Variants in KMT2A observed in about 807,000 individuals in gnomAD.
KMT2A encodes lysine methyltransferase 2A.
A neutral mutation model predicts 345.3 loss-of-function variants in KMT2A; 16 were observed. That is an observed-to-expected ratio of 0.05 (90% CI 0.03 to 0.07). The LOEUF is 0.07. Ranked by LOEUF, KMT2A falls within the 10% of genes least tolerant of loss-of-function variation. KMT2A has a pLI of 1.00. For missense variants in KMT2A, 3,272 were observed against 4,841.6 expected (o/e 0.68, Z 9.62); for synonymous variants, 1,599 against 1,778.6 (o/e 0.90, Z 2.54).
rs1950449575 is a variant in KMT2A at position 118,498,657 on chromosome 11, CT to C, written c.5961+130del. 2 of 860,756 alleles carry C rather than the reference CT, an allele frequency of 2.3e-6. No homozygotes were observed. The highest frequency in any genetic ancestry group is 1.9e-5 in the South Asian group (1 of 53,204). The allele number at this position is 860,756 out of a possible 1,614,324, so 53.3% of individuals were successfully genotyped here. On this transcript the variant is annotated intron_variant, in intron 22 of 35. Transcript: ENST00000534358. The surrounding 1 kb of genome is among the most constrained non-coding windows in gnomAD (Gnocchi z 4.4). Reference sequence around the variant, plus strand: ...CCCCCTGCACCCACATATGCACAGCCTCCCCCATGATCAGCATCCCCCACCA... The same window carrying C: ...CCCCCTGCACCCACATATGCACAGCCCCCCCATGATCAGCATCCCCCACCA...
chr11:118,436,724 G>A lies in KMT2A; in HGVS notation c.212G>A (p.Gly71Glu). The part of the protein sequence containing the change: ...AAAAAAAGSS[G>E]AGVPGGAAAA... ...GCGGCGGCGGCGGCGGGAAGCAGCG[G>A]GGCTGGGGTTCCAGGGGGAGCGGCC... Residue 71 changes from glycine to glutamate, a missense_variant, in exon 1 of 36, where the codon GGG (glycine) becomes GAG (glutamate). Coordinates refer to ENST00000534358, the MANE Select transcript of KMT2A (RefSeq NM_001197104.2). The surrounding 1 kb of genome is among the most constrained non-coding windows in gnomAD (Gnocchi z 6.9). The A allele has an allele frequency of 2.6e-6, 4 of 1,520,502 alleles. No individual in the cohort carries two copies. Among genetic ancestry groups the A allele is most frequent in the Non-Finnish European group, 3.5e-6 (4 of 1,131,106 alleles). The allele number at this position is 1,520,502 out of a possible 1,614,324, so 94.2% of individuals were successfully genotyped here.
chr11:118,499,797 C>T (rs567219056), intron 23 of KMT2A, 38 bp from the exon 24 acceptor site: 15 of 1,446,678 alleles, frequency 1.0e-5, no homozygotes, highest in African/African-American at 1.4e-5. Flanking sequence ...AAATGACGCT[C>T]ATAATCTTCT....
Position 118,457,193 on chromosome 11 carries a change from C to T in KMT2A, c.433-11582C>T, listed in dbSNP as rs965549438. On this transcript the variant is annotated intron_variant, in intron 1 of 35. Transcript: ENST00000534358. ...TATAGCCTTCAGGATGAGGTCTACA[C>T]GTCCTCAAAGATAAACTTCAAACTC... 4.0e-5 allele frequency among the ~76,000 whole-genome samples: 6 copies of T among 151,266 alleles called. No homozygotes were observed. In the South Asian group the frequency reaches 1.0e-3, roughly 26 times the overall value.
chr11:118,508,497 G>C (rs1479562451), intron 28 of KMT2A, among the ~76,000 whole-genome samples: 1 of 152,170 alleles, frequency 6.6e-6, no homozygotes, highest in Non-Finnish European at 1.5e-5. Context: ...AACACTTTGG[G>C]AGGCTGAGGC....
At chr11:118,450,713 T>A (rs1392662245) in intron 1 of KMT2A, 2 of 152,238 alleles carry the variant, frequency 1.3e-5, no homozygotes, top group African/African-American at 2.4e-5. Context: ...CTATCTGTTA[T>A]GCATTCAAAT....
Position 118,521,190 on chromosome 11 carries a change from C to T in KMT2A, c.11514-98C>T. The T allele has an allele frequency of 7.4e-7, 1 of 1,354,230 alleles. No individual in the cohort carries two copies. Among genetic ancestry groups the T allele is most frequent in the Non-Finnish European group, 1.0e-6 (1 of 972,644 alleles). The allele number at this position is 1,354,230 out of a possible 1,614,324, so 83.9% of individuals were successfully genotyped here. ...TTATTTTCTCAAGTATATGTCCCTC[C>T]TGGGGAACTAACAGACCAGGAGAAC... On this transcript the variant is annotated intron_variant, in intron 34 of 35. Coordinates refer to ENST00000534358, the MANE Select transcript of KMT2A (RefSeq NM_001197104.2). The surrounding 1 kb of genome is among the most constrained non-coding windows in gnomAD (Gnocchi z 5.3).
At chr11:118,437,717 A>G (rs554229477) in intron 1 of KMT2A, among the ~76,000 whole-genome samples, 3 of 146,176 alleles carry the variant, frequency 2.1e-5, no homozygotes, top group South Asian at 2.2e-4. Context: ...TTTCTAGCCT[A>G]TTGGTAGCCG....
intron 5 of KMT2A, among the ~76,000 whole-genome samples, chr11:118,478,855 C>T (rs781875512): frequency 1.3e-5 from 2 of 152,044 alleles, no homozygotes; most frequent in Non-Finnish European, 2.9e-5. Context: ...CTCCTAGGCT[C>T]CAGTGATCCT....
intron 1 of KMT2A, among the ~76,000 whole-genome samples, chr11:118,456,345 T>G (rs1949642335): frequency 6.9e-6 from 1 of 144,602 alleles, no homozygotes; most frequent in African/African-American, 2.5e-5. Flanking sequence ...AAAATGAACC[T>G]TTTTTTTTTT....
intron 1 of KMT2A, among the ~76,000 whole-genome samples, chr11:118,454,500 G>A (rs1591356299): frequency 6.6e-6 from 1 of 152,148 alleles, no homozygotes; most frequent in African/African-American, 2.4e-5. Flanking sequence ...GTTTTTTTCT[G>A]CAAAGGGCCA....
chr11:118,502,823 A>G lies in KMT2A; in HGVS notation c.6931A>G (p.Thr2311Ala), dbSNP rs1555046246. The change falls in exon 27 of 36, where the codon ACC (threonine) becomes GCC (alanine). Residue 2311 changes from threonine to alanine, a missense_variant. Transcript: ENST00000534358. The surrounding 1 kb of genome is among the most constrained non-coding windows in gnomAD (Gnocchi z 4.9). Reference sequence around the variant, plus strand: ...GAGCTCCTCTTTAAAGGGAGAGAAGACCAAAGTGCTGAGTTCCAAGAGCTC... The same window carrying G: ...GAGCTCCTCTTTAAAGGGAGAGAAGGCCAAAGTGCTGAGTTCCAAGAGCTC... ...SKSSSLKGEK[T>A]KVLSSKSSEG... 2.5e-6 allele frequency: 4 copies of G among 1,614,196 alleles called. No homozygotes were observed. The highest frequency in any genetic ancestry group is 3.4e-6 in the Non-Finnish European group (4 of 1,180,026).
intron 1 of KMT2A, among the ~76,000 whole-genome samples, chr11:118,462,955 T>C (rs1949774210): frequency 6.6e-6 from 1 of 152,168 alleles, no homozygotes; most frequent in African/African-American, 2.4e-5. Flanking sequence ...CTTAGAAACT[T>C]TAAATATTGG....
intron 27 of KMT2A, among the ~76,000 whole-genome samples, chr11:118,506,953 T>A (rs1351885648): frequency 6.6e-6 from 1 of 152,234 alleles, no homozygotes; most frequent in Admixed American, 6.5e-5. Context: ...TATTCTTATC[T>A]TGAGGGCAAA....
rs1352977214 is a variant in KMT2A, at chr11:118,525,179, C to G, written c.*3007C>G. On this transcript the variant is annotated 3_prime_UTR_variant, in exon 36 of 36. Transcript: ENST00000534358. ...CCAAGGGAATCTCCGCACAAAAGTG[C>G]AGATTGAGGAATTGTGATGGGTCAT... The G allele has an allele frequency of 8.7e-6, 2 of 230,674 alleles. No individual in the cohort carries two copies. The highest frequency in any genetic ancestry group is 1.2e-4 in the East Asian group (2 of 16,264). 14.3% of individuals were successfully genotyped at this position (230,674 alleles called of 1,614,324 possible). A position where few individuals can be genotyped will look rare whatever the true frequency, so the allele number is the denominator to read the frequency against.
chr11:118,478,424 T>C (rs1377096002), intron 5 of KMT2A, among the ~76,000 whole-genome samples: 6 of 152,212 alleles, frequency 3.9e-5, no homozygotes, highest in African/African-American at 1.4e-4. Context: ...AAATGTTCTA[T>C]TGGAATAGTA....
rs782272657 is a variant in KMT2A at position 118,522,830 on chromosome 11, T to G, written c.*658T>G. ...GAGTGTTGCCCCCAGGAGCCTTATC[T>G]CAGCCAATTACCTTTCTTGACAGTA... On this transcript the variant is annotated 3_prime_UTR_variant, in exon 36 of 36. Transcript: ENST00000534358. The surrounding 1 kb of genome is among the most constrained non-coding windows in gnomAD (Gnocchi z 5.4). 2.0e-4 allele frequency: 43 copies of G among 217,638 alleles called. No homozygotes were observed. Among genetic ancestry groups the G allele is most frequent in the Non-Finnish European group, 3.5e-4 (38 of 108,068 alleles). 13.5% of individuals were successfully genotyped at this position (217,638 alleles called of 1,614,324 possible).
chr11:118,518,971 G>C (rs571125125), intron 31 of KMT2A, among the ~76,000 whole-genome samples: 5 of 144,878 alleles, frequency 3.5e-5, no homozygotes, highest in South Asian at 2.1e-4. Context: ...CCAGCTACTC[G>C]GGAGGCTGAG....
At position 118,520,877 on chromosome 11, in the gene KMT2A, T is replaced by G. The variant is rs142948344; in HGVS notation, c.11505T>G (p.Gly3835=). 3,141 of 1,611,300 alleles carry G rather than the reference T, an allele frequency of 1.9e-3. 5 individuals are homozygous for G. The highest frequency in any genetic ancestry group is 2.5e-3 in the Non-Finnish European group (2,953 of 1,177,390). The part of the protein sequence containing the change: ...HLKKTSKEAV[G]VYRSPIHGRG... Reference sequence around the variant, plus strand: ...AAAAGACTTCTAAGGAGGCAGTTGGTGTCTACAGGTATGACTAAAATTCTA... The same window carrying G: ...AAAAGACTTCTAAGGAGGCAGTTGGGGTCTACAGGTATGACTAAAATTCTA... The change falls in exon 34 of 36, where the codon GGT becomes GGG. Residue 3835 remains glycine, a synonymous_variant. Coordinates refer to ENST00000534358, the MANE Select transcript of KMT2A (RefSeq NM_001197104.2). This position sits in a 1 kb window ranked among gnomAD's most constrained non-coding sequence, Gnocchi z 4.3.
intron 2 of KMT2A, among the ~76,000 whole-genome samples, chr11:118,469,322 T>C (rs2030009091): frequency 6.6e-6 from 1 of 152,140 alleles, no homozygotes; most frequent in South Asian, 2.1e-4. Context: ...TTTTGTGTTA[T>C]GTGGTAGTGT....
Sources: allele counts gnomAD v4.1 joint callset (sites outside exome capture counted in the v4.1 genomes callset), GRCh38; gene constraint gnomAD v4.1.1; non-coding constraint Gnocchi (gnomAD v3.1); transcripts MANE v1.5; gene names NCBI Gene and HGNC (gene_info 2026-07-23, HGNC 2026-07-21).